Variants in PTP4A3 observed in about 807,000 individuals in gnomAD.
The protein encoded by PTP4A3 is protein tyrosine phosphatase type IVA 3.
In PTP4A3, 9 loss-of-function variants were observed where a neutral mutation model predicts 15.2. The observed-to-expected ratio is 0.59, with a 90% CI of 0.36 to 1.03. The LOEUF (loss-of-function observed/expected upper bound fraction) is 1.03, where lower values mean the gene tolerates loss of function less well. PTP4A3 is among the 50% of genes least tolerant of loss of function. The probability of loss-of-function intolerance (pLI) is 0.02; values close to 1 mark genes in which losing one functional copy is unlikely to be tolerated. For missense variants in PTP4A3, 234 were observed against 252.1 expected (o/e 0.93, Z 0.49); for synonymous variants, 95 against 102.0 (o/e 0.93, Z 0.41).
chr8:141,426,701 T>G, intron 3 of PTP4A3: 5 of 979,450 alleles, frequency 5.1e-6, no homozygotes, highest in Non-Finnish European at 6.1e-6. Flanking sequence ...CCAGGAAGGC[T>G]TCCTGGAGGA....
At chr8:141,411,075 G>A (rs1430649346) in intron 1 of PTP4A3, among the ~76,000 whole-genome samples, 1 of 152,196 alleles carries the variant, frequency 6.6e-6, no homozygotes, top group Non-Finnish European at 1.5e-5. Context: ...GTGTGCATGG[G>A]GTGGACCTGT....
intron 1 of PTP4A3, among the ~76,000 whole-genome samples, chr8:141,399,543 C>T (rs1472652918): frequency 2.6e-5 from 4 of 152,270 alleles, no homozygotes; most frequent in African/African-American, 4.8e-5. Context: ...TCTCCCTGCT[C>T]CTGCCCTTTC....
chr8:141,410,421 C>A (rs376342316), intron 1 of PTP4A3, among the ~76,000 whole-genome samples: 1 of 152,214 alleles, frequency 6.6e-6, no homozygotes, highest in South Asian at 2.1e-4. Flanking sequence ...AGAAGCCCTG[C>A]GGGGAAGAAG....
At chr8:141,401,748 C>T (rs550275953) in intron 1 of PTP4A3, among the ~76,000 whole-genome samples, 6 of 152,196 alleles carry the variant, frequency 3.9e-5, no homozygotes, top group Non-Finnish European at 7.3e-5. Context: ...GGATAGCATG[C>T]GGGGGCAGGG....
intron 1 of PTP4A3, among the ~76,000 whole-genome samples, chr8:141,402,719 CT>C (rs1177444148): frequency 1.9e-4 from 29 of 151,220 alleles, no homozygotes; most frequent in African/African-American, 4.6e-4. Flanking sequence ...TTTTTCCTCA[CT>C]TTCCCCCCAC....
intron 1 of PTP4A3, among the ~76,000 whole-genome samples, chr8:141,393,474 C>G (rs1189917958): frequency 6.6e-6 from 1 of 152,218 alleles, no homozygotes; most frequent in East Asian, 1.9e-4. Flanking sequence ...ACACCCCCAA[C>G]GTGTTCTCCA....
chr8:141,432,212 C>T lies in PTP4A3; in HGVS notation c.*1168C>T, dbSNP rs2130423068. 6.6e-6 allele frequency: 1 copy of T among 152,234 alleles called. No homozygotes were observed. Among genetic ancestry groups the T allele is most frequent in the East Asian group, 1.9e-4 (1 of 5,142 alleles). The allele number at this position is 152,234 out of a possible 1,614,324, so 9.4% of individuals were successfully genotyped here. On this transcript the variant is annotated 3_prime_UTR_variant, in exon 6 of 6. Coordinates refer to ENST00000521578, the MANE Select transcript of PTP4A3 (RefSeq NM_032611.3). ...TCCGTCCTGGGGCCCCAGGAGGTTC[C>T]CGCAAGGAGCGACTGGGGCAGGTGC...
At chr8:141,427,493 C>T (rs1025740813) in intron 4 of PTP4A3, among the ~76,000 whole-genome samples, 3 of 152,210 alleles carry the variant, frequency 2.0e-5, no homozygotes, top group African/African-American at 4.8e-5. Flanking sequence ...GGCATGGATC[C>T]GGCTCTTAGC....
intron 5 of PTP4A3, among the ~76,000 whole-genome samples, chr8:141,429,285 C>T (rs1461950884): frequency 1.3e-5 from 2 of 152,218 alleles, no homozygotes; most frequent in Non-Finnish European, 2.9e-5. Context: ...TACTGCTGCT[C>T]CCACTTCCTT....
intron 4 of PTP4A3, among the ~76,000 whole-genome samples, chr8:141,427,432 T>G (rs1833628503): frequency 6.6e-6 from 1 of 151,410 alleles, no homozygotes; most frequent in Non-Finnish European, 1.5e-5. Flanking sequence ...ACATGACCAG[T>G]GGGACACCCC....
chr8:141,430,509 TGTAAG>T (rs921394159), intron 5 of PTP4A3, among the ~76,000 whole-genome samples: 3 of 152,192 alleles, frequency 2.0e-5, no homozygotes, highest in African/African-American at 7.2e-5. Context: ...AGGTCCCTGT[TGTAAG>T]GGAAGGTCGC....
At chr8:141,419,506 C>T (rs1271816724) in intron 1 of PTP4A3, among the ~76,000 whole-genome samples, 2 of 151,752 alleles carry the variant, frequency 1.3e-5, no homozygotes, top group East Asian at 1.9e-4. Flanking sequence ...TGGGGACTGG[C>T]GGGACCAGGG....
intron 2 of PTP4A3, among the ~76,000 whole-genome samples, chr8:141,424,323 C>G (rs1187231832): frequency 6.6e-6 from 1 of 152,160 alleles, no homozygotes; most frequent in Non-Finnish European, 1.5e-5. Flanking sequence ...GTATAACTAT[C>G]GGCCTGGCTG....
chr8:141,395,248 A>T (rs1586531377), intron 1 of PTP4A3, among the ~76,000 whole-genome samples: 1 of 152,160 alleles, frequency 6.6e-6, no homozygotes, highest in South Asian at 2.1e-4. Flanking sequence ...TCAGGTCAGG[A>T]CCCTGAGAAC....
At chr8:141,430,686 G>T (rs1229161537) in intron 5 of PTP4A3, among the ~76,000 whole-genome samples, 2 of 152,154 alleles carry the variant, frequency 1.3e-5, no homozygotes, top group Non-Finnish European at 2.9e-5. Context: ...CCCAGAGTCA[G>T]CCTGGAGGAG....
intron 1 of PTP4A3, among the ~76,000 whole-genome samples, chr8:141,393,259 C>A (rs1015359493): frequency 2.0e-5 from 3 of 152,198 alleles, no homozygotes; most frequent in Admixed American, 2.0e-4. Flanking sequence ...CTAAGCAGAG[C>A]CTTGTTGTCC....
At chr8:141,404,762 CGT>C (rs1327376380) in intron 1 of PTP4A3, among the ~76,000 whole-genome samples, 1 of 152,106 alleles carries the variant, frequency 6.6e-6, no homozygotes, top group Non-Finnish European at 1.5e-5. Context: ...CCATGGGGTG[CGT>C]GGGGAAGTAG....
intron 1 of PTP4A3, among the ~76,000 whole-genome samples, chr8:141,409,514 C>T (rs984075527): frequency 6.6e-6 from 1 of 152,224 alleles, no homozygotes; most frequent in Non-Finnish European, 1.5e-5. Flanking sequence ...CCCAGAGCCC[C>T]TGAGGGGCTG....
intron 1 of PTP4A3, among the ~76,000 whole-genome samples, chr8:141,416,340 T>C (rs1254868656): frequency 6.6e-6 from 1 of 152,138 alleles, no homozygotes; most frequent in East Asian, 1.9e-4. Context: ...CTTCTGGCTG[T>C]GTGACTCAGA....
Sources: gnomAD v4.1 joint callset for allele counts (sites outside exome capture counted in the v4.1 genomes callset) on GRCh38, gnomAD v4.1.1 for gene constraint, MANE v1.5 for transcripts, NCBI Gene and HGNC (gene_info 2026-07-23, HGNC 2026-07-21) for gene names.